ADPRHL1: variants seen among roughly 807,000 people sequenced by gnomAD.
ADPRHL1 encodes ADP-ribosylhydrolase like 1.
In ADPRHL1, 43 loss-of-function variants were observed where a neutral mutation model predicts 44.1. The ratio of observed to expected loss-of-function variants is 0.98; its 90% CI spans 0.76 to 1.26. The LOEUF (loss-of-function observed/expected upper bound fraction) is 1.26. Ranked by LOEUF, ADPRHL1 falls within the 50% of genes most tolerant of loss-of-function variation. ADPRHL1 has a pLI of 0.00. For synonymous variants in ADPRHL1, 878 were observed against 1,017.4 expected, an observed-to-expected ratio of 0.86 and a Z score of 2.61; for missense variants, 2,022 against 2,496.9, an observed-to-expected ratio of 0.81 and a Z score of 4.05.
At chr13:113,430,059 G>A (rs1381272368) in intron 3 of ADPRHL1, among the ~76,000 whole-genome samples, 2 of 152,190 alleles carry the variant, frequency 1.3e-5, no homozygotes, top group Admixed American at 6.5e-5. Flanking sequence ...AGCTCACCCC[G>A]CAGTCCACAC....
intron 7 of ADPRHL1, among the ~76,000 whole-genome samples, chr13:113,415,778 G>C (rs1392972870): frequency 8.7e-6 from 1 of 114,662 alleles, no homozygotes; most frequent in Non-Finnish European, 2.0e-5. Flanking sequence ...AAAAGAGAGA[G>C]AGAGAGAAGC....
At chr13:113,438,681 C>CA (rs199850363) in intron 2 of ADPRHL1, among the ~76,000 whole-genome samples, 136 of 150,458 alleles carry the variant, frequency 9.0e-4, no homozygotes, top group African/African-American at 3.1e-3. Flanking sequence ...GACTCCATCT[C>CA]AAAAAAAAAA....
intron 5 of ADPRHL1, 118 bp from the exon 6 acceptor site, chr13:113,424,467 T>C: frequency 3.6e-6 from 5 of 1,393,446 alleles, no homozygotes; most frequent in Non-Finnish European, 4.9e-6. Context: ...TCCACCCTTT[T>C]CTTTTTGAGA....
At chr13:113,426,111 C>T (rs1042360171) in intron 4 of ADPRHL1, among the ~76,000 whole-genome samples, 3 of 124,048 alleles carry the variant, frequency 2.4e-5, no homozygotes, top group African/African-American at 9.1e-5. Flanking sequence ...GAAATCCAAG[C>T]CCCTGAATGC....
At chr13:113,444,178 A>G (rs1303858106) in intron 2 of ADPRHL1, among the ~76,000 whole-genome samples, 2 of 147,184 alleles carry the variant, frequency 1.4e-5, no homozygotes, top group Non-Finnish European at 3.0e-5. Flanking sequence ...GCCCCTGCCC[A>G]TAGTCCTTAA....
In ADPRHL1 at chr13:113,407,431, G is replaced by A. The variant is rs2043817178; in HGVS notation, c.1851C>T (p.Pro617=). 15 of 1,231,894 alleles carry A rather than the reference G, an allele frequency of 1.2e-5. No homozygotes were observed. The East Asian group carries it at 1.6e-4, about 13-fold the overall frequency. The allele number at this position is 1,231,894 out of a possible 1,614,324, so 76.3% of individuals were successfully genotyped here. ...CGGTGGCGATGCTGAGGGCCGGCAG[G>A]GGCTCAGCCGTGCAGGCCAGAAAGC... ...PARFLACTAE[P]LPALSIATVV... The change falls in exon 8 of 8, where the codon CCC becomes CCT. Residue 617 remains proline, a synonymous_variant. Coordinates refer to ENST00000612156, the MANE Select transcript of ADPRHL1 (RefSeq NM_001394807.1).
At chr13:113,447,818 C>T (rs564642473) in intron 1 of ADPRHL1, among the ~76,000 whole-genome samples, 5 of 152,270 alleles carry the variant, frequency 3.3e-5, no homozygotes, top group Admixed American at 2.0e-4. Flanking sequence ...GGTACAGCTG[C>T]GTGGCTTTGT....
rs998517621 is a variant in ADPRHL1 at position 113,403,840 on chromosome 13, C to A, written c.5442G>T (p.Ala1814=). ...GREQALTSGM[A]PRAWEQPISG... ...TAATGGGCTGCTCCCAGGCCCGAGGCGCCATCCCACTTGTCAAGGCCTGTT... is the reference window on the plus strand; with the variant it reads ...TAATGGGCTGCTCCCAGGCCCGAGGAGCCATCCCACTTGTCAAGGCCTGTT... Residue 1814 remains alanine, a synonymous_variant, in exon 8 of 8, where the codon GCG becomes GCT. Coordinates refer to ENST00000612156, the MANE Select transcript of ADPRHL1 (RefSeq NM_001394807.1). 4 of 1,130,554 alleles carry A rather than the reference C, an allele frequency of 3.5e-6. No individual in the cohort carries two copies. Among genetic ancestry groups the A allele is most frequent in the Non-Finnish European group, 4.3e-6 (4 of 924,500 alleles). The allele number at this position is 1,130,554 out of a possible 1,614,324, so 70.0% of individuals were successfully genotyped here.
At chr13:113,408,350 T>C (rs1237873144) in intron 7 of ADPRHL1, 130 bp from the exon 8 acceptor site, 1 of 976,168 alleles carries the variant, frequency 1.0e-6, no homozygotes. Flanking sequence ...AAAAAGAGAT[T>C]AGGAGCCAGG....
intron 3 of ADPRHL1, 26 bp downstream of exon 3, chr13:113,433,716 C>G: frequency 6.4e-7 from 1 of 1,568,612 alleles, no homozygotes; most frequent in Non-Finnish European, 8.6e-7. Flanking sequence ...ACGCTGACCT[C>G]CCTCCCACCC....
chr13:113,421,801 C>T (rs887988007), intron 7 of ADPRHL1: 3 of 152,268 alleles, frequency 2.0e-5, no homozygotes, highest in Non-Finnish European at 4.4e-5. Flanking sequence ...GAGATTCCAA[C>T]CAACCAGGCT....
intron 7 of ADPRHL1, among the ~76,000 whole-genome samples, chr13:113,416,340 G>A (rs1008545029): frequency 2.0e-4 from 31 of 152,052 alleles, no homozygotes; most frequent in African/African-American, 7.5e-4. Context: ...ATATGTGACT[G>A]ACTTAGCTGG....
intron 7 of ADPRHL1, 168 bp downstream of exon 7, chr13:113,422,658 C>T: frequency 1.2e-6 from 1 of 812,602 alleles, no homozygotes; most frequent in Non-Finnish European, 1.9e-6. Flanking sequence ...GTATTTTATG[C>T]AACAGTTAGG....
chr13:113,421,372 TGGGACACGCC>T (rs2043921223), intron 7 of ADPRHL1, among the ~76,000 whole-genome samples: 1 of 42,076 alleles, frequency 2.4e-5, no homozygotes, highest in African/African-American at 9.8e-5. Flanking sequence ...CCTCTACCCC[TGGGACACGCC>T]CACCCCCGGG....
At chr13:113,414,833 G>A (rs973198704) in intron 7 of ADPRHL1, among the ~76,000 whole-genome samples, 3 of 152,082 alleles carry the variant, frequency 2.0e-5, no homozygotes, top group East Asian at 1.9e-4. Flanking sequence ...CCGCCACCAC[G>A]CCCAGCTAAT....
At chr13:113,442,226 AGAAG>A (rs1004841619) in intron 2 of ADPRHL1, among the ~76,000 whole-genome samples, 46 of 152,364 alleles carry the variant, frequency 3.0e-4, no homozygotes, top group African/African-American at 9.4e-4. Context: ...AGGCTAAGGC[AGAAG>A]GGTTGTTGAG....
intron 7 of ADPRHL1, among the ~76,000 whole-genome samples, chr13:113,419,071 CCTCCTTCCTTCCTTCT>C (rs1429462244): frequency 2.9e-5 from 3 of 101,818 alleles, no homozygotes; most frequent in East Asian, 3.3e-4. Context: ...TCCTTCACTC[CCTCCTTCCTTCCTTCT>C]TCCCTCCCTC....
In ADPRHL1 at chr13:113,401,312, C is replaced by T. The variant is rs2043759826; in HGVS notation, c.*2066G>A. 2 of 152,200 alleles carry T rather than the reference C, an allele frequency of 1.3e-5. No homozygotes were observed. Among genetic ancestry groups the T allele is most frequent in the Admixed American group, 6.5e-5 (1 of 15,276 alleles). 9.4% of individuals were successfully genotyped at this position (152,200 alleles called of 1,614,324 possible). Reference sequence around the variant, plus strand: ...GGCCAACTCCAGCCCCAACTGCAGGCTCCCAGGACTGCAGGGGCAGGGACT... The same window carrying T: ...GGCCAACTCCAGCCCCAACTGCAGGTTCCCAGGACTGCAGGGGCAGGGACT... On this transcript the variant is annotated 3_prime_UTR_variant, in exon 8 of 8. Coordinates refer to ENST00000612156, the MANE Select transcript of ADPRHL1 (RefSeq NM_001394807.1). The surrounding 1 kb of genome is among the most constrained non-coding windows in gnomAD (Gnocchi z 5.5).
At chr13:113,430,560 G>A (rs975264044) in intron 3 of ADPRHL1, among the ~76,000 whole-genome samples, 1 of 152,200 alleles carries the variant, frequency 6.6e-6, no homozygotes, top group Non-Finnish European at 1.5e-5. Flanking sequence ...GAACAGTGTG[G>A]TGCCAGTGAC....
Sources: gnomAD v4.1 joint callset for allele counts (sites outside exome capture counted in the v4.1 genomes callset) on GRCh38, gnomAD v4.1.1 for gene constraint, Gnocchi (gnomAD v3.1) non-coding constraint, MANE v1.5 for transcripts, NCBI Gene and HGNC (gene_info 2026-07-23, HGNC 2026-07-21) for gene names.